Variants in LZTFL1 observed in about 807,000 individuals in gnomAD.
LZTFL1 encodes leucine zipper transcription factor-like protein 1.
In LZTFL1, 25 loss-of-function variants were observed where a neutral mutation model predicts 45.9. The ratio of observed to expected loss-of-function variants is 0.54; its 90% CI spans 0.40 to 0.76. The LOEUF is 0.76. LZTFL1 is among the 30% of genes least tolerant of loss of function. The pLI, the probability that LZTFL1 is intolerant of heterozygous loss-of-function variation, is 0.00. For missense variants in LZTFL1, 277 were observed against 331.1 expected (o/e 0.84, Z 1.27); for synonymous variants, 93 against 117.4 (o/e 0.79, Z 1.35).
Position 45,825,165 on chromosome 3 carries a change from T to G in LZTFL1, c.*1149A>C. On this transcript the variant is annotated 3_prime_UTR_variant, in exon 10 of 10. Coordinates refer to ENST00000296135, the MANE Select transcript of LZTFL1 (RefSeq NM_020347.4). ...AAAATCTTCATTTGTGGAAATGGAATGATGTCTCTTAGTAGACAGTGTTCA... is the reference window on the plus strand; with the variant it reads ...AAAATCTTCATTTGTGGAAATGGAAGGATGTCTCTTAGTAGACAGTGTTCA... 3.0e-6 allele frequency: 1 copy of G among 334,012 alleles called. No homozygotes were observed. The highest frequency in any genetic ancestry group is 5.4e-6 in the Non-Finnish European group (1 of 186,176). The allele number at this position is 334,012 out of a possible 1,614,324, so 20.7% of individuals were successfully genotyped here. A position where few individuals can be genotyped will look rare whatever the true frequency, so the allele number is the denominator to read the frequency against.
At chr3:45,864,102 T>C (rs1701539762) in intron 2 of LZTFL1, among the ~76,000 whole-genome samples, 1 of 152,198 alleles carries the variant, frequency 6.6e-6, no homozygotes, top group African/African-American at 2.4e-5. Context: ...AAGTCCCCTG[T>C]GGAAAGGTTG....
chr3:45,913,314 T>C, intron 1 of LZTFL1: 2 of 634,158 alleles, frequency 3.2e-6, no homozygotes, highest in Non-Finnish European at 2.7e-6. Context: ...ACTTTTTTTT[T>C]TTTTTGGCCT....
chr3:45,904,608 T>C (rs1033742699), intron 2 of LZTFL1, among the ~76,000 whole-genome samples: 1 of 152,246 alleles, frequency 6.6e-6, no homozygotes, highest in African/African-American at 2.4e-5. Flanking sequence ...ATTTTGGTCT[T>C]GTGGACCTTC....
intron 2 of LZTFL1, among the ~76,000 whole-genome samples, chr3:45,863,904 T>C (rs1575276199): frequency 6.6e-6 from 1 of 152,210 alleles, no homozygotes; most frequent in Non-Finnish European, 1.5e-5. Context: ...TTTGGTGAAT[T>C]TGAATAATAT....
chr3:45,866,576 A>G (rs922373079), intron 2 of LZTFL1, among the ~76,000 whole-genome samples: 9 of 152,144 alleles, frequency 5.9e-5, no homozygotes, highest in African/African-American at 2.2e-4. Flanking sequence ...AAAAGAGCCT[A>G]CCCTCTTCAT....
intron 1 of LZTFL1, among the ~76,000 whole-genome samples, chr3:45,840,289 T>G (rs1701074216): frequency 6.6e-6 from 1 of 152,214 alleles, no homozygotes; most frequent in Non-Finnish European, 1.5e-5. Context: ...AAAAATAGCA[T>G]CAGCCTAGGA....
intron 2 of LZTFL1, among the ~76,000 whole-genome samples, chr3:45,893,750 C>T (rs574147265): frequency 3.0e-4 from 45 of 152,320 alleles, no homozygotes; most frequent in Non-Finnish European, 5.3e-4. Flanking sequence ...CTGTAATAAA[C>T]ACTCACATAC....
intron 2 of LZTFL1, among the ~76,000 whole-genome samples, chr3:45,881,771 C>T (rs561547643): frequency 6.6e-4 from 100 of 152,340 alleles, no homozygotes; most frequent in Middle Eastern, 3.4e-3. Flanking sequence ...AGCTCAGCCT[C>T]ACACCCTTCA....
At chr3:45,849,769 G>A (rs181718893) in intron 4 of LZTFL1, among the ~76,000 whole-genome samples, 25 of 152,264 alleles carry the variant, frequency 1.6e-4, no homozygotes, top group East Asian at 9.6e-4. Context: ...GATACTTTTC[G>A]TGTATAGAAT....
intron 5 of LZTFL1, among the ~76,000 whole-genome samples, chr3:45,832,122 G>A (rs1700840341): frequency 6.6e-6 from 1 of 152,050 alleles, no homozygotes; most frequent in Non-Finnish European, 1.5e-5. Context: ...CTCGGAGGCT[G>A]AGGCAGGAGA....
intron 3 of LZTFL1, chr3:45,834,553 A>G: frequency 3.2e-6 from 1 of 307,968 alleles, no homozygotes. Flanking sequence ...GAAATAAACC[A>G]TAATGTTAAT....
At chr3:45,904,689 A>G (rs1288095166) in intron 2 of LZTFL1, among the ~76,000 whole-genome samples, 1 of 152,220 alleles carries the variant, frequency 6.6e-6, no homozygotes, top group Non-Finnish European at 1.5e-5. Context: ...TGTTGACTTG[A>G]ATACAAAGCC....
chr3:45,906,792 C>T (rs953629376), intron 2 of LZTFL1, among the ~76,000 whole-genome samples: 2 of 152,216 alleles, frequency 1.3e-5, no homozygotes, highest in African/African-American at 4.8e-5. Context: ...GTGTGCAGGT[C>T]CAAGGACCAA....
intron 2 of LZTFL1, among the ~76,000 whole-genome samples, chr3:45,879,056 G>A (rs1701804286): frequency 6.6e-6 from 1 of 152,194 alleles, no homozygotes; most frequent in African/African-American, 2.4e-5. Context: ...CTTATTGCTG[G>A]TGGGAATGCA....
intron 2 of LZTFL1, among the ~76,000 whole-genome samples, chr3:45,894,263 C>T (rs954064145): frequency 2.6e-5 from 4 of 152,222 alleles, no homozygotes; most frequent in African/African-American, 9.6e-5. Flanking sequence ...AAACCTAGGA[C>T]TTCCTTTTCC....
chr3:45,873,604 T>C (rs1347159223), intron 2 of LZTFL1, among the ~76,000 whole-genome samples: 1 of 152,218 alleles, frequency 6.6e-6, no homozygotes, highest in Non-Finnish European at 1.5e-5. Context: ...GTATTTATTT[T>C]CTTCTTACAA....
rs778368692 is a variant in LZTFL1 at position 45,901,492 on chromosome 3, C to A, written c.-215+11628G>T. The A allele has an allele frequency of 1.2e-6, 2 of 1,614,142 alleles. No individual in the cohort carries two copies. Among genetic ancestry groups the A allele is most frequent in the Non-Finnish European group, 1.7e-6 (2 of 1,180,006 alleles). ...TTCGTGGTCATGGCTTGCTGCTATACCATCATCATTCACACCCTGATACAA... is the reference window on the plus strand; with the variant it reads ...TTCGTGGTCATGGCTTGCTGCTATAACATCATCATTCACACCCTGATACAA... On this transcript the variant is annotated intron_variant, in intron 2 of 4. Transcript: ENST00000472635. This position sits in a 1 kb window ranked among gnomAD's most constrained non-coding sequence, Gnocchi z 4.3.
chr3:45,834,971 T>A (rs1399473486), intron 3 of LZTFL1: 1 of 152,516 alleles, frequency 6.6e-6, no homozygotes, highest in Non-Finnish European at 1.5e-5. Context: ...GCATGTGAAC[T>A]GATGTGCTGT....
chr3:45,913,469 ATG>A (rs1484173755), intron 1 of LZTFL1, among the ~76,000 whole-genome samples: 6 of 152,238 alleles, frequency 3.9e-5, no homozygotes, highest in Non-Finnish European at 7.3e-5. Flanking sequence ...CTAGTAATAT[ATG>A]TGTCTTTTTA....
Sources: allele counts gnomAD v4.1 joint callset (sites outside exome capture counted in the v4.1 genomes callset), GRCh38; gene constraint gnomAD v4.1.1; non-coding constraint Gnocchi (gnomAD v3.1); transcripts MANE v1.5; gene names NCBI Gene and HGNC (gene_info 2026-07-23, HGNC 2026-07-21).